Variants in DNAH12 observed in about 807,000 individuals in gnomAD.
DNAH12 encodes the protein dynein axonemal heavy chain 12.
In DNAH12, 285 loss-of-function variants were observed where a neutral mutation model predicts 371.5. The ratio of observed to expected loss-of-function variants is 0.77; its 90% CI spans 0.70 to 0.85. The LOEUF (loss-of-function observed/expected upper bound fraction) is 0.85. Among genes scored for constraint, DNAH12 ranks in the 40% least tolerant of loss-of-function variants. The probability of loss-of-function intolerance (pLI) is 0.00; values close to 1 mark genes in which losing one functional copy is unlikely to be tolerated. For missense variants in DNAH12, 3,611 were observed against 3,689.4 expected (o/e 0.98, Z 0.55); for synonymous variants, 1,200 against 1,213.0 (o/e 0.99, Z 0.22).
At chr3:57,358,329 C>T (rs2062845992) in intron 58 of DNAH12, among the ~76,000 whole-genome samples, 1 of 152,002 alleles carries the variant, frequency 6.6e-6, no homozygotes. Context: ...GGAAGAGATA[C>T]AAAAGTCTTA....
At chr3:57,483,782 C>CAAA (rs369010253) in intron 12 of DNAH12, among the ~76,000 whole-genome samples, 74 of 136,592 alleles carry the variant, frequency 5.4e-4, no homozygotes, top group Middle Eastern at 7.5e-3. Context: ...CCTGTCTCTA[C>CAAA]AAAAAAAAAA....
intron 13 of DNAH12, among the ~76,000 whole-genome samples, chr3:57,479,746 T>C (rs1280541803): frequency 6.6e-6 from 1 of 151,990 alleles, no homozygotes; most frequent in Non-Finnish European, 1.5e-5. Flanking sequence ...GCAATCAAAC[T>C]AGAACTCAGG....
chr3:57,368,437 TCTTA>T (rs1273296505), intron 55 of DNAH12, among the ~76,000 whole-genome samples, 177 bp from the exon 56 acceptor site: 7 of 152,040 alleles, frequency 4.6e-5, no homozygotes, highest in African/African-American at 1.7e-4. Flanking sequence ...TTTTTTTCTT[TCTTA>T]TTTATTTTTC....
chr3:57,451,912 G>A (rs774241897), intron 25 of DNAH12, among the ~76,000 whole-genome samples: 4 of 152,172 alleles, frequency 2.6e-5, no homozygotes, highest in Admixed American at 6.5e-5. Flanking sequence ...GAGAAGTAAT[G>A]CAAGACCCAG....
intron 60 of DNAH12, among the ~76,000 whole-genome samples, chr3:57,344,070 A>AG (rs1417349250): frequency 6.6e-6 from 1 of 152,270 alleles, no homozygotes; most frequent in Non-Finnish European, 1.5e-5. Context: ...ATGCCGGTGC[A>AG]GGTCCTTGGT....
chr3:57,326,707 C>T (rs1455271057), intron 62 of DNAH12, among the ~76,000 whole-genome samples: 1 of 151,768 alleles, frequency 6.6e-6, no homozygotes, highest in Non-Finnish European at 1.5e-5. Context: ...TCACACATAA[C>T]AATATTAACT....
rs1217212007 is a variant in DNAH12, at chr3:57,510,818, G to C, written c.441C>G (p.Asp147Glu). Residue 147 changes from aspartate to glutamate, a missense_variant, in exon 5 of 74, where the codon GAC becomes GAG. By Grantham distance (45) the Asp-to-Glu change is conservative. This residue lies in a region of DNAH12 where 1,314 missense variants were observed against 1,398.7 expected (regional missense o/e 0.94). Transcript: ENST00000495027. Reference protein sequence around the residue: ...LESLINEVSSDFENSMKRYLV... With the variant: ...LESLINEVSSEFENSMKRYLV... ...AATATCTCTTCATGCTGTTTTCAAA[G>C]TCACTTGACACCTCATTTATGAGAC... is the stretch of plus-strand genomic sequence containing the variant. 1.9e-6 allele frequency: 3 copies of C among 1,613,750 alleles called. No homozygotes were observed. Among genetic ancestry groups the C allele is most frequent in the Admixed American group, 3.3e-5 (2 of 59,902 alleles).
rs1041947403 is a variant in DNAH12, at chr3:57,408,472, G to A, written c.6084C>T (p.Gly2028=). 6.4e-7 allele frequency: 1 copy of A among 1,551,414 alleles called. No individual in the cohort carries two copies. The highest frequency in any genetic ancestry group is 1.2e-5 in the South Asian group (1 of 84,006). Residue 2028 remains glycine (G), a synonymous_variant, in exon 40 of 74, where the codon GGC becomes GGT. Coordinates refer to ENST00000495027, the MANE Select transcript of DNAH12 (RefSeq NM_001366028.2). ...LVDIELIAAM[G]PPGGGRNPVT... is the part of the protein sequence containing the mutation. ...CTGGATTTCTTCCACCACCTGGAGG[G>A]CCCATTGCAGCAATCAGCTCTATGT...
rs1470770049 is a variant in DNAH12 at position 57,366,836 on chromosome 3, G to T, written c.9060C>A (p.Asn3020Lys). The T allele has an allele frequency of 1.3e-5, 2 of 152,122 alleles. No individual in the cohort carries two copies. The highest frequency in any genetic ancestry group is 6.5e-5 in the Admixed American group (1 of 15,270). The allele number at this position is 152,122 out of a possible 1,614,324, so 9.4% of individuals were successfully genotyped here. A position where few individuals can be genotyped will look rare whatever the true frequency, so the allele number is the denominator to read the frequency against. The change falls in exon 57 of 74, where the codon AAC (asparagine) becomes AAA (lysine). Residue 3020 changes from asparagine to lysine, a missense_variant. Physicochemically the swap from Asn to Lys is moderately conservative, Grantham distance 94. Around this residue, in one of 3 missense-constraint regions of DNAH12, gnomAD observed 2,266 missense variants for 2,236.9 expected, o/e 1.01. Transcript: ENST00000495027. Reference protein sequence around the residue: ...FKFYITTKLRNPHYMPELATK... With the variant: ...FKFYITTKLRKPHYMPELATK... The stretch of plus-strand genomic sequence containing the variant: ...TAGCCAGTTCTGGCATATAGTGCGG[G>T]TTTCTCAGTTTTGTGGTGATATAAA...
chr3:57,481,718 C>G (rs1219851703), intron 13 of DNAH12, among the ~76,000 whole-genome samples: 1 of 152,120 alleles, frequency 6.6e-6, no homozygotes. Context: ...GGTACCAAAA[C>G]AGAGATATAG....
intron 60 of DNAH12, among the ~76,000 whole-genome samples, chr3:57,336,006 C>A (rs1422072872): frequency 6.6e-6 from 1 of 151,978 alleles, no homozygotes; most frequent in Non-Finnish European, 1.5e-5. Flanking sequence ...TAAGAGATGG[C>A]GAACTGCTCT....
intron 35 of DNAH12, among the ~76,000 whole-genome samples, chr3:57,424,790 CAAAAAAA>C (rs66686551): frequency 8.0e-6 from 1 of 125,068 alleles, no homozygotes; most frequent in Admixed American, 8.1e-5. Context: ...GCCCTGTCTC[CAAAAAAA>C]AAAAAAAAAA....
chr3:57,317,882 A>C (rs1214070996), intron 65 of DNAH12, among the ~76,000 whole-genome samples: 1 of 152,116 alleles, frequency 6.6e-6, no homozygotes, highest in Non-Finnish European at 1.5e-5. Context: ...ATGATATCTC[A>C]TTGTGGTTTT....
intron 13 of DNAH12, 78 bp downstream of exon 13, chr3:57,483,298 A>G (rs2066813048): frequency 2.0e-6 from 3 of 1,482,546 alleles, no homozygotes; most frequent in East Asian, 2.5e-5. Flanking sequence ...GTGTAACTAT[A>G]TATTTTATAC....
At position 57,417,673 on chromosome 3, in the gene DNAH12, T is replaced by C. The variant is rs777266503; in HGVS notation, c.5714+1694A>G. Reference sequence around the variant, plus strand: ...CCAGTAGAAATCATAGCTATTATCCTACACATTACAATTGTTACAGTATCT... The same window carrying C: ...CCAGTAGAAATCATAGCTATTATCCCACACATTACAATTGTTACAGTATCT... On this transcript the variant is annotated intron_variant, in intron 37 of 73. Transcript: ENST00000495027. Among the ~76,000 whole-genome samples the C allele has an allele frequency of 6.6e-5, 10 of 152,144 alleles. 1 individual carries two copies. The highest frequency in any genetic ancestry group is 2.6e-4 in the Admixed American group (4 of 15,266).
chr3:57,525,756 CT>C (rs776184662), intron 2 of DNAH12, among the ~76,000 whole-genome samples: 803 of 76,148 alleles, frequency 0.011, 2 homozygotes, highest in African/African-American at 0.04. Context: ...ATGTCTTATT[CT>C]TTTTTTTTTT....
intron 55 of DNAH12, among the ~76,000 whole-genome samples, chr3:57,371,791 A>C (rs1333802519): frequency 6.6e-6 from 1 of 151,720 alleles, no homozygotes; most frequent in African/African-American, 2.4e-5. Flanking sequence ...ACATTACATA[A>C]AGAGGAACTA....
intron 4 of DNAH12, among the ~76,000 whole-genome samples, chr3:57,518,253 G>A (rs534804407): frequency 5.3e-5 from 8 of 152,138 alleles, no homozygotes; most frequent in African/African-American, 1.2e-4. Context: ...GGCCGGGCAC[G>A]GTGGCTCACA....
intron 43 of DNAH12, among the ~76,000 whole-genome samples, chr3:57,398,733 A>C (rs2063795607): frequency 6.6e-6 from 1 of 152,132 alleles, no homozygotes; most frequent in Admixed American, 6.5e-5. Flanking sequence ...TGAAATTAAA[A>C]CCTTTCCAGA....
Sources: allele counts gnomAD v4.1 joint callset (sites outside exome capture counted in the v4.1 genomes callset), GRCh38; gene constraint gnomAD v4.1.1; regional missense constraint gnomAD v4.1.1; transcripts MANE v1.5; gene names NCBI Gene and HGNC (gene_info 2026-07-23, HGNC 2026-07-21).